STPG2: variants seen among roughly 807,000 people sequenced by gnomAD.
The protein encoded by STPG2 is sperm tail PG-rich repeat containing 2, also known as sperm-tail PG-rich repeat-containing protein 2.
Under a neutral mutation model 54.2 loss-of-function variants are expected in STPG2, and 56 were observed. The ratio of observed to expected loss-of-function variants is 1.03; its 90% confidence interval spans 0.83 to 1.29. The LOEUF is 1.29. Among genes scored for constraint, STPG2 ranks in the 50% most tolerant of loss-of-function variants. STPG2 has a pLI of 0.00. For missense variants in STPG2, 596 were observed against 544.9 expected (o/e 1.09, Z -0.93); for synonymous variants, 200 against 181.8 (o/e 1.10, Z -0.81).
At position 97,981,237 on chromosome 4, in the gene STPG2, T is replaced by C. The variant is rs913275838; in HGVS notation, c.694A>G (p.Thr232Ala). ...AATGGAATATTTTTCAGTCCTGATG[T>C]TTTCTTCAAAGACTTGAGAGCAGTT... ...PRTALKSLKK[T>A]SGLKNIPFGQ... The change falls in exon 6 of 11, where the codon ACA (threonine) becomes GCA (alanine). Residue 232 changes from threonine to alanine, a missense_variant. Thr to Ala is a moderately conservative substitution (Grantham distance 58, BLOSUM62 0). Coordinates refer to ENST00000295268, the MANE Select transcript of STPG2 (RefSeq NM_174952.3). 1 of 1,614,056 alleles carries C rather than the reference T, an allele frequency of 6.2e-7. No homozygotes were observed. Among genetic ancestry groups the C allele is most frequent in the Admixed American group, 1.7e-5 (1 of 60,030 alleles).
At chr4:98,063,038 G>T (rs1376421279) in intron 5 of STPG2, among the ~76,000 whole-genome samples, 1 of 151,866 alleles carries the variant, frequency 6.6e-6, no homozygotes, top group Non-Finnish European at 1.5e-5. Flanking sequence ...GCATGAGCCA[G>T]CACACCAGGC....
In STPG2 at chr4:98,114,753, A is replaced by AT. The variant is rs33980852; in HGVS notation, c.388-5449dup. Among the ~76,000 whole-genome samples, 315 of 146,034 alleles carry AT rather than the reference A, an allele frequency of 2.2e-3. 1 individual carries two copies. Among genetic ancestry groups the AT allele is most frequent in the Admixed American group, 0.011 (167 of 14,682 alleles). On this transcript the variant is annotated intron_variant, in intron 3 of 10. Coordinates refer to ENST00000295268, the MANE Select transcript of STPG2 (RefSeq NM_174952.3). ...AATTTAAGACCCCACAATAATATCC[A>AT]TTTTTTTTTTTTTGTGTGTGTGTGT...
intron 7 of STPG2, among the ~76,000 whole-genome samples, chr4:97,949,043 A>G (rs760949038): frequency 1.3e-5 from 2 of 152,070 alleles, no homozygotes; most frequent in Non-Finnish European, 2.9e-5. Flanking sequence ...GTTGCTTTCT[A>G]TCTCCTCTCT....
chr4:97,637,421 G>T (rs1367022260), intron 10 of STPG2, among the ~76,000 whole-genome samples: 1 of 152,082 alleles, frequency 6.6e-6, no homozygotes, highest in African/African-American at 2.4e-5. Flanking sequence ...CATTCCCTTT[G>T]AAAACTGGCA....
Position 97,693,339 on chromosome 4 carries a change from A to G in STPG2, c.1320+19360T>C, listed in dbSNP as rs1012611378. ...ACATAAACTTAAGGTAAAAGGGTAGAAAAAGGTATCCCATGCAAATCAACA... is the reference window on the plus strand; with the variant it reads ...ACATAAACTTAAGGTAAAAGGGTAGGAAAAGGTATCCCATGCAAATCAACA... On this transcript the variant is annotated intron_variant, in intron 10 of 10. Transcript: ENST00000295268. 2.6e-5 allele frequency among the ~76,000 whole-genome samples: 4 copies of G among 152,220 alleles called. 1 individual carries two copies. In the South Asian group the frequency reaches 8.3e-4, roughly 32 times the overall value.
chr4:97,652,137 G>A (rs1722088606), intron 10 of STPG2, among the ~76,000 whole-genome samples: 1 of 151,776 alleles, frequency 6.6e-6, no homozygotes, highest in Admixed American at 6.6e-5. Context: ...TAAAGGCCGT[G>A]AAACATCACT....
intron 9 of STPG2, among the ~76,000 whole-genome samples, chr4:97,835,040 A>C (rs1205205425): frequency 6.6e-6 from 1 of 152,090 alleles, no homozygotes; most frequent in Non-Finnish European, 1.5e-5. Flanking sequence ...GTTGGGTAAA[A>C]TAAGGCTGAG....
At chr4:97,810,728 T>C (rs1213006704) in intron 9 of STPG2, among the ~76,000 whole-genome samples, 9 of 152,116 alleles carry the variant, frequency 5.9e-5, no homozygotes, top group African/African-American at 2.2e-4. Flanking sequence ...ATAATGACAA[T>C]ATACTGGGAT....
intron 3 of STPG2, among the ~76,000 whole-genome samples, chr4:98,120,168 C>A (rs1020064807): frequency 9.9e-5 from 15 of 152,096 alleles, no homozygotes; most frequent in Admixed American, 9.8e-4. Flanking sequence ...GCAACCTCTA[C>A]CTCCCAGGTT....
chr4:97,799,663 G>A (rs1299520841), intron 9 of STPG2, among the ~76,000 whole-genome samples: 2 of 152,058 alleles, frequency 1.3e-5, no homozygotes, highest in Non-Finnish European at 2.9e-5. Flanking sequence ...TATGTGTCTT[G>A]GAGTTGCTCT....
At chr4:97,444,357 G>A (rs1729164937) in intron 4 of STPG2, among the ~76,000 whole-genome samples, 1 of 152,106 alleles carries the variant, frequency 6.6e-6, no homozygotes, top group African/African-American at 2.4e-5. Flanking sequence ...GAGGATTAGA[G>A]TAAAATTGAC....
At chr4:97,977,454 C>T (rs1240904089) in intron 6 of STPG2, among the ~76,000 whole-genome samples, 6 of 152,164 alleles carry the variant, frequency 3.9e-5, no homozygotes, top group Non-Finnish European at 8.8e-5. Context: ...CTAGCCTTTG[C>T]ACCTGAATAA....
intron 10 of STPG2, among the ~76,000 whole-genome samples, chr4:97,588,186 T>C (rs1733047407): frequency 6.6e-6 from 1 of 151,932 alleles, no homozygotes; most frequent in South Asian, 2.1e-4. Context: ...AAGATCAGCC[T>C]GGCCAATATG....
intron 8 of STPG2, among the ~76,000 whole-genome samples, chr4:97,863,522 A>G (rs2149144053): frequency 6.6e-6 from 1 of 152,334 alleles, no homozygotes; most frequent in East Asian, 1.9e-4. Context: ...CAGAGGTACA[A>G]GGAGGAGCTG....
intron 5 of STPG2, among the ~76,000 whole-genome samples, chr4:98,003,069 G>T: frequency 6.6e-6 from 1 of 152,096 alleles, no homozygotes; most frequent in Non-Finnish European, 1.5e-5. Context: ...TACTTAATTA[G>T]AAAATTCTGA....
chr4:97,743,179 C>T (rs1015235423), intron 9 of STPG2, among the ~76,000 whole-genome samples: 1 of 151,580 alleles, frequency 6.6e-6, no homozygotes. Context: ...GTGTCAAGAG[C>T]GAAGATCTGG....
At chr4:97,707,191 G>A (rs1001040531) in intron 10 of STPG2, among the ~76,000 whole-genome samples, 1 of 152,104 alleles carries the variant, frequency 6.6e-6, no homozygotes, top group African/African-American at 2.4e-5. Context: ...AGGACCATGT[G>A]GAAATGATAA....
At chr4:97,963,667 A>G (rs1213957088) in intron 7 of STPG2, among the ~76,000 whole-genome samples, 2 of 151,558 alleles carry the variant, frequency 1.3e-5, no homozygotes, top group Non-Finnish European at 1.5e-5. Flanking sequence ...ACATATATAT[A>G]TAAATACATA....
intron 9 of STPG2, among the ~76,000 whole-genome samples, chr4:97,762,374 C>T (rs1725914995): frequency 6.6e-6 from 1 of 152,146 alleles, no homozygotes. Flanking sequence ...GAACATTAGA[C>T]TCAGACCTGT....
Sources: allele counts gnomAD v4.1 joint callset (sites outside exome capture counted in the v4.1 genomes callset), GRCh38; gene constraint gnomAD v4.1.1; transcripts MANE v1.5; gene names NCBI Gene and HGNC (gene_info 2026-07-23, HGNC 2026-07-21).